Variants in RIMS1 observed in about 807,000 individuals in gnomAD.
RIMS1 encodes the protein regulating synaptic membrane exocytosis protein 1.
RIMS1 carries 83 observed loss-of-function variants against 214.1 expected under a neutral mutation model. The observed-to-expected ratio is 0.39, with a 90% CI of 0.32 to 0.47. RIMS1 has a LOEUF of 0.47. RIMS1 is among the 20% of genes least tolerant of loss of function. The pLI, the probability that RIMS1 is intolerant of heterozygous loss-of-function variation, is 0.99. For synonymous variants in RIMS1, 793 were observed against 786.8 expected (o/e 1.01, Z -0.13); for missense variants, 2,050 against 2,161.8 (o/e 0.95, Z 1.03).
rs559197661 is a variant in RIMS1 at position 72,297,606 on chromosome 6, T to C, written c.3850+5560T>C. On this transcript the variant is annotated intron_variant, in intron 26 of 33. Transcript: ENST00000521978. ...AGTGTGTCCTGGCTGAGAGGTGTCATCACCCCTCCAAGCGTTCCTTGGAAA... is the reference window on the plus strand; with the variant it reads ...AGTGTGTCCTGGCTGAGAGGTGTCACCACCCCTCCAAGCGTTCCTTGGAAA... Among the ~76,000 whole-genome samples the C allele has an allele frequency of 2.0e-5, 3 of 152,064 alleles. No homozygotes were observed. In the East Asian group the frequency reaches 5.8e-4, roughly 29 times the overall value.
At chr6:72,256,962 T>C (rs1338106511) in intron 16 of RIMS1, among the ~76,000 whole-genome samples, 1 of 151,978 alleles carries the variant, frequency 6.6e-6, no homozygotes, top group Non-Finnish European at 1.5e-5. Flanking sequence ...AGTCTGAATA[T>C]TGTCAAAGTA....
At chr6:72,323,725 T>C (rs1030724283) in intron 28 of RIMS1, among the ~76,000 whole-genome samples, 2 of 151,882 alleles carry the variant, frequency 1.3e-5, no homozygotes, top group Non-Finnish European at 2.9e-5. Flanking sequence ...CTGAAATCTT[T>C]ACATACCCAA....
At position 72,278,670 on chromosome 6, in the gene RIMS1, A is replaced by G. The variant is rs576737095; in HGVS notation, c.3482+4238A>G. ...GCTTTTCAAAAATACTCTTTCTTTG[A>G]ATGAACAAAGTGTATCCATGAACTA... On this transcript the variant is annotated intron_variant, in intron 23 of 33. Coordinates refer to ENST00000521978, the MANE Select transcript of RIMS1 (RefSeq NM_014989.7). 2.0e-5 allele frequency among the ~76,000 whole-genome samples: 3 copies of G among 152,198 alleles called. No homozygotes were observed. In the East Asian group the frequency reaches 5.8e-4, roughly 29 times the overall value.
At chr6:71,964,132 C>T (rs1793764977) in intron 1 of RIMS1, among the ~76,000 whole-genome samples, 1 of 152,042 alleles carries the variant, frequency 6.6e-6, no homozygotes, top group Admixed American at 6.6e-5. Context: ...GGGTAGGAAC[C>T]ATCAAAAACT....
At chr6:72,359,154 A>G (rs1471517259) in intron 29 of RIMS1, among the ~76,000 whole-genome samples, 1 of 152,242 alleles carries the variant, frequency 6.6e-6, no homozygotes, top group Admixed American at 6.5e-5. Context: ...TTTATCAGAA[A>G]GAATTATTAA....
intron 6 of RIMS1, among the ~76,000 whole-genome samples, chr6:72,186,612 G>A (rs1259566124): frequency 6.6e-6 from 1 of 152,190 alleles, no homozygotes; most frequent in Non-Finnish European, 1.5e-5. Flanking sequence ...TTGTAGAAGT[G>A]TTGGAGCCCT....
chr6:71,998,828 T>A (rs527809729), intron 2 of RIMS1, among the ~76,000 whole-genome samples: 1 of 152,324 alleles, frequency 6.6e-6, no homozygotes, highest in South Asian at 2.1e-4. Context: ...CTATATTTAT[T>A]TTCCAGGAGG....
At chr6:72,265,838 C>G in intron 21 of RIMS1, 122 bp from the exon 22 acceptor site, 2 of 678,006 alleles carry the variant, frequency 2.9e-6, no homozygotes, top group South Asian at 3.9e-5. Context: ...AACTGAATCC[C>G]AGTGATTCTA....
At chr6:71,950,220 G>A (rs1003819998) in intron 1 of RIMS1, among the ~76,000 whole-genome samples, 2 of 152,106 alleles carry the variant, frequency 1.3e-5, no homozygotes, top group Non-Finnish European at 2.9e-5. Flanking sequence ...AGGGGAAGGA[G>A]GTTGACTACA....
intron 2 of RIMS1, among the ~76,000 whole-genome samples, chr6:72,053,703 G>A (rs1825353274): frequency 6.6e-6 from 1 of 152,078 alleles, no homozygotes; most frequent in Non-Finnish European, 1.5e-5. Flanking sequence ...AGAACACAAA[G>A]AAGTCTAAGG....
intron 2 of RIMS1, among the ~76,000 whole-genome samples, chr6:72,060,326 C>G (rs561165874): frequency 3.3e-5 from 5 of 152,014 alleles, no homozygotes; most frequent in Non-Finnish European, 7.4e-5. Flanking sequence ...TTTGCAGCCC[C>G]GATCTAAACA....
At chr6:72,354,462 G>T (rs1190457883) in intron 29 of RIMS1, among the ~76,000 whole-genome samples, 1 of 152,102 alleles carries the variant, frequency 6.6e-6, no homozygotes, top group Non-Finnish European at 1.5e-5. Context: ...ACCTACTCAT[G>T]TATTTGCTGT....
chr6:72,079,336 T>C (rs1832710337), intron 2 of RIMS1, among the ~76,000 whole-genome samples: 1 of 152,174 alleles, frequency 6.6e-6, no homozygotes, highest in South Asian at 2.1e-4. Flanking sequence ...TCTACCTTCA[T>C]GTTATAGTGA....
At chr6:72,015,951 C>G (rs1357951959) in intron 2 of RIMS1, among the ~76,000 whole-genome samples, 1 of 151,980 alleles carries the variant, frequency 6.6e-6, no homozygotes, top group East Asian at 1.9e-4. Flanking sequence ...ATATTAGGTG[C>G]TTCTCATAGA....
intron 28 of RIMS1, among the ~76,000 whole-genome samples, chr6:72,329,580 ATGTT>A (rs898048707): frequency 6.6e-6 from 1 of 151,628 alleles, no homozygotes; most frequent in Non-Finnish European, 1.5e-5. Context: ...AGAATATAAA[ATGTT>A]TGGACTACAA....
intron 2 of RIMS1, among the ~76,000 whole-genome samples, chr6:72,048,626 G>A (rs893648422): frequency 6.6e-6 from 1 of 152,198 alleles, no homozygotes; most frequent in Non-Finnish European, 1.5e-5. Flanking sequence ...GGACCTGGTG[G>A]ATGAGGTGTT....
In RIMS1 at chr6:72,290,713, G is replaced by T; in HGVS notation, c.3589G>T (p.Ala1197Ser). The stretch of plus-strand genomic sequence containing the variant: ...AACATGTCTTTCTAGAAGGGGACAC[G>T]CAGCCCCAAGAGCAACTGATCAGCC... ...LPTCLSRRGHAAPRATDQPVI... is the reference protein window; with the variant it reads ...LPTCLSRRGHSAPRATDQPVI... The change falls in exon 25 of 34, where the codon GCA (alanine) becomes TCA (serine). Residue 1197 changes from alanine to serine, a missense_variant. Ala to Ser is a moderately conservative substitution (Grantham distance 99). Coordinates refer to ENST00000521978, the MANE Select transcript of RIMS1 (RefSeq NM_014989.7). 6.2e-7 allele frequency: 1 copy of T among 1,613,650 alleles called. No individual in the cohort carries two copies. Among genetic ancestry groups the T allele is most frequent in the Non-Finnish European group, 8.5e-7 (1 of 1,179,718 alleles).
At chr6:72,143,931 G>C (rs2042385424) in intron 4 of RIMS1, among the ~76,000 whole-genome samples, 1 of 152,124 alleles carries the variant, frequency 6.6e-6, no homozygotes, top group Admixed American at 6.5e-5. Context: ...TCCTGGAATT[G>C]GTGAGTAAAA....
intron 9 of RIMS1, among the ~76,000 whole-genome samples, chr6:72,241,861 T>G (rs1186222796): frequency 6.6e-6 from 1 of 152,200 alleles, no homozygotes; most frequent in East Asian, 1.9e-4. Flanking sequence ...CAAATATTAA[T>G]TGCTCTTTCT....
Sources: allele counts gnomAD v4.1 joint callset (sites outside exome capture counted in the v4.1 genomes callset), GRCh38; gene constraint gnomAD v4.1.1; transcripts MANE v1.5; gene names NCBI Gene and HGNC (gene_info 2026-07-23, HGNC 2026-07-21).